The following ITPR2 variants were observed in gnomAD, a reference collection of about 807,000 sequenced individuals.
ITPR2 encodes the protein inositol 1,4,5-trisphosphate-gated calcium channel ITPR2.
ITPR2 carries 207 observed loss-of-function variants against 317.1 expected under a neutral mutation model. That is an observed-to-expected ratio of 0.65 (90% CI 0.58 to 0.73). ITPR2 has a LOEUF of 0.73. ITPR2 is among the 30% of genes least tolerant of loss of function. ITPR2 has a pLI of 0.00. For missense variants in ITPR2, 2,613 were observed against 3,284.0 expected, an observed-to-expected ratio of 0.80 and a Z score of 4.99; for synonymous variants, 1,156 against 1,149.1, an observed-to-expected ratio of 1.01 and a Z score of -0.12.
At position 26,337,826 on chromosome 12, in the gene ITPR2, A is replaced by G. The variant is rs1288520732; in HGVS notation, c.*1571T>C. 2.2e-4 allele frequency: 33 copies of G among 152,250 alleles called. No individual in the cohort carries two copies. Among genetic ancestry groups the G allele is most frequent in the Admixed American group, 2.2e-3 (33 of 15,284 alleles). 9.4% of individuals were successfully genotyped at this position (152,250 alleles called of 1,614,324 possible). A position where few individuals can be genotyped will look rare whatever the true frequency, so the allele number is the denominator to read the frequency against. ...CAAAAATTCATTGCTCTGGGTCCCA[A>G]CAGCTTTGTTCCAAGTCTACATCTT... On this transcript the variant is annotated 3_prime_UTR_variant, in exon 57 of 57. Transcript: ENST00000381340.
chr12:26,661,287 G>C (rs1433924676), intron 15 of ITPR2, among the ~76,000 whole-genome samples: 1 of 87,584 alleles, frequency 1.1e-5, no homozygotes, highest in South Asian at 6.1e-4. Flanking sequence ...GGGGGGGGGG[G>C]GTGGGAGGGA....
intron 51 of ITPR2, among the ~76,000 whole-genome samples, chr12:26,412,763 G>T (rs12298312): frequency 1.3e-5 from 2 of 152,130 alleles, no homozygotes; most frequent in Non-Finnish European, 2.9e-5. Context: ...GGGAGCAAAG[G>T]GGGTGATTCC....
At chr12:26,354,329 T>TA (rs997777512) in intron 55 of ITPR2, among the ~76,000 whole-genome samples, 48 of 152,220 alleles carry the variant, frequency 3.2e-4, no homozygotes, top group African/African-American at 1.1e-3. Flanking sequence ...TTTGATAGTA[T>TA]ATTTTTAGGT....
At chr12:26,668,169 C>A (rs576826325) in intron 13 of ITPR2, among the ~76,000 whole-genome samples, 1 of 152,204 alleles carries the variant, frequency 6.6e-6, no homozygotes, top group East Asian at 1.9e-4. Flanking sequence ...GGAAAATGAA[C>A]AAAATAAGAA....
intron 1 of ITPR2, among the ~76,000 whole-genome samples, chr12:26,816,862 A>G (rs1052879777): frequency 3.3e-5 from 5 of 152,110 alleles, no homozygotes; most frequent in Non-Finnish European, 7.4e-5. Flanking sequence ...ACAGAGGGAA[A>G]AGCACATAAA....
At chr12:26,370,007 G>A (rs1939135426) in intron 55 of ITPR2, among the ~76,000 whole-genome samples, 2 of 152,030 alleles carry the variant, frequency 1.3e-5, no homozygotes, top group Non-Finnish European at 2.9e-5. Flanking sequence ...CACAAAGACA[G>A]GGCACAGAAG....
At chr12:26,508,541 G>C (rs1315008382) in intron 37 of ITPR2, among the ~76,000 whole-genome samples, 4 of 152,086 alleles carry the variant, frequency 2.6e-5, no homozygotes. Context: ...TGACAATATT[G>C]ATAGAGATGA....
intron 43 of ITPR2, among the ~76,000 whole-genome samples, chr12:26,479,903 G>C (rs1317245343): frequency 1.3e-5 from 2 of 152,028 alleles, no homozygotes; most frequent in Non-Finnish European, 2.9e-5. Context: ...GTGAGACCCT[G>C]ACTCAAAAAA....
chr12:26,459,322 C>T (rs896082000), intron 45 of ITPR2, among the ~76,000 whole-genome samples: 1 of 152,230 alleles, frequency 6.6e-6, no homozygotes, highest in African/African-American at 2.4e-5. Context: ...ATTTTGCCCT[C>T]ATTCTGCTTA....
chr12:26,569,762 A>G (rs1433683012), intron 34 of ITPR2, among the ~76,000 whole-genome samples: 16 of 152,184 alleles, frequency 1.1e-4, no homozygotes, highest in Admixed American at 1.0e-3. Context: ...AGAAACACAC[A>G]TTAAAACTAC....
intron 1 of ITPR2, among the ~76,000 whole-genome samples, chr12:26,818,357 C>G (rs563329114): frequency 1.1e-4 from 16 of 152,332 alleles, no homozygotes; most frequent in African/African-American, 3.1e-4. Context: ...AAAAGACCTT[C>G]TGAGAGATTC....
intron 46 of ITPR2, among the ~76,000 whole-genome samples, chr12:26,441,115 G>A (rs1941479610): frequency 6.6e-6 from 1 of 152,230 alleles, no homozygotes; most frequent in Non-Finnish European, 1.5e-5. Flanking sequence ...TGTTCTGAAT[G>A]TAAACATTAA....
chr12:26,649,564 C>G (rs967114255), intron 21 of ITPR2: 11 of 152,096 alleles, frequency 7.2e-5, no homozygotes, highest in African/African-American at 2.4e-4. Context: ...AGTTTCTCAG[C>G]CTTCGACATT....
At chr12:26,609,542 T>G (rs7974097) in intron 26 of ITPR2, among the ~76,000 whole-genome samples, 54,460 of 151,952 alleles carry the variant, frequency 0.36, 11,099 homozygotes, top group East Asian at 0.58. Context: ...AAGTGGAGTC[T>G]GCAGTGAGCT....
intron 55 of ITPR2, among the ~76,000 whole-genome samples, chr12:26,342,420 G>T (rs548265446): frequency 6.9e-6 from 1 of 145,940 alleles, no homozygotes; most frequent in Non-Finnish European, 1.5e-5. Context: ...GTTTGTCTGC[G>T]TTCTCCAAAC....
At chr12:26,477,378 A>G (rs1277962933) in intron 43 of ITPR2, among the ~76,000 whole-genome samples, 1 of 151,570 alleles carries the variant, frequency 6.6e-6, no homozygotes, top group African/African-American at 2.4e-5. Flanking sequence ...GGTATCAGTA[A>G]CATATTTTAC....
rs141054774 is a variant in ITPR2 at position 26,644,968 on chromosome 12, C to T, written c.2740+9008G>A. Among the ~76,000 whole-genome samples, 524 of 152,270 alleles carry T rather than the reference C, an allele frequency of 3.4e-3. 1 individual carries two copies. Among genetic ancestry groups the T allele is most frequent in the South Asian group, 0.013 (61 of 4,826 alleles). Reference sequence around the variant, plus strand: ...CACTCACCCATTCCAGAGCTGCCTACGGGGACATAAAGGCTCAGCCCCCTC... The same window carrying T: ...CACTCACCCATTCCAGAGCTGCCTATGGGGACATAAAGGCTCAGCCCCCTC... On this transcript the variant is annotated intron_variant, in intron 21 of 56. Coordinates refer to ENST00000381340, the MANE Select transcript of ITPR2 (RefSeq NM_002223.4).
In ITPR2 at chr12:26,424,586, G is replaced by GTTTTTTTT. The variant is rs775756580; in HGVS notation, c.6945+3319_6945+3326dup. Among the ~76,000 whole-genome samples, 138 of 88,710 alleles carry GTTTTTTTT rather than the reference G, an allele frequency of 1.6e-3. 3 individuals are homozygous for GTTTTTTTT. The highest frequency in any genetic ancestry group is 2.1e-3 in the South Asian group (5 of 2,352). The allele number at this position is 88,710 out of a possible 152,430, so 58.2% of individuals were successfully genotyped here. A position where few individuals can be genotyped will look rare whatever the true frequency, so the allele number is the denominator to read the frequency against. ...TTTTTGGTTTTTGTTTTCGTTTTGT[G>GTTTTTTTT]TTTTTTTTTTTTTTTTTTTTTGAGA... is the stretch of plus-strand genomic sequence containing the variant. On this transcript the variant is annotated intron_variant, in intron 49 of 56. Coordinates refer to ENST00000381340, the MANE Select transcript of ITPR2 (RefSeq NM_002223.4).
At chr12:26,746,560 G>T (rs1372227660) in intron 2 of ITPR2, among the ~76,000 whole-genome samples, 1 of 152,174 alleles carries the variant, frequency 6.6e-6, no homozygotes, top group East Asian at 1.9e-4. Flanking sequence ...ATCTGTGGGA[G>T]ATTTCATCTG....
Sources: gnomAD v4.1 joint callset for allele counts (sites outside exome capture counted in the v4.1 genomes callset) on GRCh38, gnomAD v4.1.1 for gene constraint, MANE v1.5 for transcripts, NCBI Gene and HGNC (gene_info 2026-07-23, HGNC 2026-07-21) for gene names.